The following KLHL1 variants were observed in gnomAD, a reference collection of about 807,000 sequenced individuals.
The protein encoded by KLHL1 is kelch-like protein 1.
A neutral mutation model predicts 77.7 loss-of-function variants in KLHL1; 47 were observed. The ratio of observed to expected loss-of-function variants is 0.60; its 90% CI spans 0.48 to 0.77. KLHL1 has a LOEUF of 0.77. Among genes scored for constraint, KLHL1 ranks in the 30% least tolerant of loss-of-function variants. The pLI is 0.00. For missense variants in KLHL1, 925 were observed against 910.8 expected (o/e 1.02, Z -0.20); for synonymous variants, 360 against 325.2 (o/e 1.11, Z -1.15).
At chr13:69,902,606 G>T (rs1318270976) in intron 4 of KLHL1, among the ~76,000 whole-genome samples, 1 of 152,036 alleles carries the variant, frequency 6.6e-6, no homozygotes, top group African/African-American at 2.4e-5. Flanking sequence ...GTCCTTTGTA[G>T]GGACATGGAT....
At position 69,719,694 on chromosome 13, in the gene KLHL1, A is replaced by G. The variant is rs529507011; in HGVS notation, c.1803-113T>C. 221 of 720,614 alleles carry G rather than the reference A, an allele frequency of 3.1e-4. No individual in the cohort carries two copies. In the African/African-American group the frequency reaches 3.6e-3, roughly 12 times the overall value. The allele number at this position is 720,614 out of a possible 1,614,324, so 44.6% of individuals were successfully genotyped here. A position where few individuals can be genotyped will look rare whatever the true frequency, so the allele number is the denominator to read the frequency against. On this transcript the variant is annotated intron_variant, in intron 8 of 10. Coordinates refer to ENST00000377844, the MANE Select transcript of KLHL1 (RefSeq NM_020866.3). Reference sequence around the variant, plus strand: ...TATGAGGCTCAAACGTGTTGGAAATATATTACTTTGCAGGGAGATTTTGTT... The same window carrying G: ...TATGAGGCTCAAACGTGTTGGAAATGTATTACTTTGCAGGGAGATTTTGTT...
At chr13:69,771,822 A>C (rs943289664) in intron 7 of KLHL1, among the ~76,000 whole-genome samples, 22 of 152,200 alleles carry the variant, frequency 1.4e-4, no homozygotes, top group Non-Finnish European at 2.8e-4. Flanking sequence ...CTCTGAAAAA[A>C]TGGTCAAATT....
chr13:69,987,943 A>G (rs946659439), intron 1 of KLHL1, among the ~76,000 whole-genome samples: 5 of 151,852 alleles, frequency 3.3e-5, no homozygotes, highest in African/African-American at 1.2e-4. Context: ...TTTTATTTCA[A>G]TTTTCTTTTT....
rs967809332 is a variant in KLHL1 at position 69,813,024 on chromosome 13, C to G, written c.1415-16062G>C. 1.2e-4 allele frequency among the ~76,000 whole-genome samples: 18 copies of G among 150,552 alleles called. No homozygotes were observed. In the East Asian group the frequency reaches 2.1e-3, roughly 18 times the overall value. ...ATGCTGCTATAAAGATACATGCACACATATGTTTATTGTGGCACTATTCAC... is the reference window on the plus strand; with the variant it reads ...ATGCTGCTATAAAGATACATGCACAGATATGTTTATTGTGGCACTATTCAC... On this transcript the variant is annotated intron_variant, in intron 6 of 10. Transcript: ENST00000377844.
chr13:69,782,635 A>C (rs933868343), intron 7 of KLHL1, among the ~76,000 whole-genome samples: 1 of 152,132 alleles, frequency 6.6e-6, no homozygotes, highest in Admixed American at 6.5e-5. Flanking sequence ...CCATTGCCCA[A>C]GTTTGATTAG....
chr13:69,738,335 T>G (rs910255805), intron 8 of KLHL1, among the ~76,000 whole-genome samples: 7 of 152,100 alleles, frequency 4.6e-5, no homozygotes, highest in African/African-American at 7.2e-5. Context: ...CCAGAGTGCT[T>G]CTTCTTCTCC....
chr13:69,940,373 G>T, intron 3 of KLHL1, 137 bp from the exon 4 acceptor site: 2 of 574,574 alleles, frequency 3.5e-6, no homozygotes, highest in Non-Finnish European at 2.8e-6. Context: ...AATATAACTC[G>T]GTAAAGGTCA....
chr13:69,769,815 TTCACGTACCC>T (rs1875477193), intron 7 of KLHL1, among the ~76,000 whole-genome samples: 1 of 152,116 alleles, frequency 6.6e-6, no homozygotes, highest in Admixed American at 6.5e-5. Flanking sequence ...CTCTCCGGTA[TTCACGTACCC>T]TCATTCTTCT....
chr13:69,856,042 C>T (rs1034148296), intron 5 of KLHL1, among the ~76,000 whole-genome samples: 1 of 150,118 alleles, frequency 6.7e-6, no homozygotes, highest in Admixed American at 6.7e-5. Flanking sequence ...TCTTCATGGG[C>T]CTGTCATGTC....
chr13:70,007,212 T>A (rs186404154), intron 1 of KLHL1, among the ~76,000 whole-genome samples: 1 of 152,036 alleles, frequency 6.6e-6, no homozygotes, highest in African/African-American at 2.4e-5. Flanking sequence ...CGTATTGCAA[T>A]AAATCAAATG....
At chr13:69,785,303 G>A (rs1442371843) in intron 7 of KLHL1, among the ~76,000 whole-genome samples, 3 of 152,120 alleles carry the variant, frequency 2.0e-5, no homozygotes, top group Non-Finnish European at 2.9e-5. Context: ...ATAACGAACT[G>A]TCTCTCACAC....
chr13:69,745,456 C>A (rs770682115), intron 7 of KLHL1, among the ~76,000 whole-genome samples: 9 of 151,842 alleles, frequency 5.9e-5, no homozygotes, highest in Non-Finnish European at 1.2e-4. Context: ...CTTGCATTTT[C>A]ACTTTCTTAA....
chr13:69,967,467 T>C (rs750581281), intron 2 of KLHL1, among the ~76,000 whole-genome samples: 2 of 152,178 alleles, frequency 1.3e-5, no homozygotes, highest in African/African-American at 2.4e-5. Flanking sequence ...CGCAATGTCA[T>C]GATCAAATTT....
At chr13:69,922,664 TA>T (rs557275037) in intron 4 of KLHL1, among the ~76,000 whole-genome samples, 4 of 152,020 alleles carry the variant, frequency 2.6e-5, no homozygotes, top group African/African-American at 9.7e-5. Context: ...CAAGCAAAAT[TA>T]AAAAAACATA....
intron 1 of KLHL1, among the ~76,000 whole-genome samples, chr13:70,024,697 T>C (rs1192583225): frequency 6.7e-6 from 1 of 150,312 alleles, no homozygotes. Context: ...TTTATTTCTC[T>C]TTCAGTTTAG....
At chr13:69,913,807 A>G (rs1280130305) in intron 4 of KLHL1, among the ~76,000 whole-genome samples, 1 of 152,158 alleles carries the variant, frequency 6.6e-6, no homozygotes, top group East Asian at 1.9e-4. Flanking sequence ...TCCAGAGTGT[A>G]ATGGTTAATC....
intron 7 of KLHL1, among the ~76,000 whole-genome samples, chr13:69,782,523 C>A (rs376589020): frequency 7.5e-4 from 114 of 152,346 alleles, no homozygotes; most frequent in Middle Eastern, 6.8e-3. Flanking sequence ...TATCCTGCAC[C>A]TGGCTTGGAG....
At chr13:69,744,665 C>G (rs74090441) in intron 7 of KLHL1, among the ~76,000 whole-genome samples, 112 of 151,776 alleles carry the variant, frequency 7.4e-4, no homozygotes, top group African/African-American at 2.0e-3. Context: ...TACACCCCCC[C>G]CAAAAGCTAA....
intron 1 of KLHL1, among the ~76,000 whole-genome samples, chr13:69,978,757 G>T (rs1884621735): frequency 6.6e-6 from 1 of 152,138 alleles, no homozygotes; most frequent in African/African-American, 2.4e-5. Flanking sequence ...AAAGTGCTGG[G>T]ATTACAGGCG....
Sources: allele counts gnomAD v4.1 joint callset (sites outside exome capture counted in the v4.1 genomes callset), GRCh38; gene constraint gnomAD v4.1.1; transcripts MANE v1.5; gene names NCBI Gene and HGNC (gene_info 2026-07-23, HGNC 2026-07-21).